PTPRG: variants seen among roughly 807,000 people sequenced by gnomAD.
PTPRG encodes protein tyrosine phosphatase receptor type G.
Under a neutral mutation model 165.3 loss-of-function variants are expected in PTPRG, and 102 were observed. That is an observed-to-expected ratio of 0.62 (90% CI 0.53 to 0.73). PTPRG has a LOEUF of 0.73. PTPRG is among the 30% of genes least tolerant of loss of function. The pLI, the probability that PTPRG is intolerant of heterozygous loss-of-function variation, is 0.00. For synonymous variants in PTPRG, 675 were observed against 669.5 expected (o/e 1.01, Z -0.13); for missense variants, 1,866 against 1,861.4 (o/e 1.00, Z -0.05).
Position 61,865,567 on chromosome 3 carries a change from C to T in PTPRG, c.190+116585C>T, listed in dbSNP as rs1042662261. ...GAGTAGGTCGAATTAAGGGTACTAC[C>T]TTCATATGGATGGCCCGATACCTGG... is the stretch of plus-strand genomic sequence containing the variant. On this transcript the variant is annotated intron_variant, in intron 2 of 29. Coordinates refer to ENST00000474889, the MANE Select transcript of PTPRG (RefSeq NM_002841.4). 5.3e-5 allele frequency among the ~76,000 whole-genome samples: 8 copies of T among 152,154 alleles called. No homozygotes were observed. In the East Asian group the frequency reaches 1.3e-3, roughly 26 times the overall value.
intron 17 of PTPRG, among the ~76,000 whole-genome samples, chr3:62,265,685 C>T (rs1306161500): frequency 6.6e-6 from 1 of 152,070 alleles, no homozygotes; most frequent in Admixed American, 6.6e-5. Context: ...AAACCTCTCC[C>T]TAGTCTTTGG....
intron 1 of PTPRG, among the ~76,000 whole-genome samples, chr3:61,650,233 A>G (rs1382411147): frequency 6.6e-6 from 1 of 152,220 alleles, no homozygotes; most frequent in African/African-American, 2.4e-5. Context: ...TTACAAAACC[A>G]AATCAAGGAA....
rs778530372 is a variant in PTPRG, at chr3:62,078,188, A to G, written c.545A>G (p.Asp182Gly). The change falls in exon 5 of 30, where the codon GAT becomes GGT. Residue 182 changes from aspartate (D) to glycine (G), a missense_variant. Transcript: ENST00000474889. ...ATGCAGATTTTCTTTTACAATCCAG[A>G]TGACTTTGACAGCTTTCAAACCGCA... is the stretch of plus-strand genomic sequence containing the variant. ...VEMQIFFYNP[D>G]DFDSFQTAIS... is the part of the protein sequence containing the mutation. 2 of 1,606,886 alleles carry G rather than the reference A, an allele frequency of 1.2e-6. No individual in the cohort carries two copies. The highest frequency in any genetic ancestry group is 1.7e-5 in the Admixed American group (1 of 58,918).
At chr3:62,172,744 T>A (rs1508402) in intron 8 of PTPRG, among the ~76,000 whole-genome samples, 4 of 152,088 alleles carry the variant, frequency 2.6e-5, no homozygotes, top group Non-Finnish European at 5.9e-5. Context: ...AAAAAAAGTT[T>A]TAAAAAGAGA....
At chr3:62,257,670 C>G (rs1007032942) in intron 16 of PTPRG, among the ~76,000 whole-genome samples, 1 of 152,114 alleles carries the variant, frequency 6.6e-6, no homozygotes, top group Non-Finnish European at 1.5e-5. Flanking sequence ...AAGTAGTGTC[C>G]TGGGCCAGGC....
chr3:61,682,863 T>G (rs1400836598), intron 1 of PTPRG, among the ~76,000 whole-genome samples: 1 of 152,222 alleles, frequency 6.6e-6, no homozygotes, highest in Non-Finnish European at 1.5e-5. Flanking sequence ...GAAGATTCTG[T>G]TTTGTGCAAA....
chr3:61,674,503 A>C (rs1030270590), intron 1 of PTPRG, among the ~76,000 whole-genome samples: 1 of 151,524 alleles, frequency 6.6e-6, no homozygotes, highest in Non-Finnish European at 1.5e-5. Flanking sequence ...AAAAAAAAAA[A>C]AAAAAAAGCC....
chr3:61,791,424 C>A (rs763424754), intron 2 of PTPRG, among the ~76,000 whole-genome samples: 6 of 152,212 alleles, frequency 3.9e-5, no homozygotes, highest in Non-Finnish European at 7.3e-5. Flanking sequence ...CTTAGATAAC[C>A]TGTTTGAGGC....
At position 62,203,990 on chromosome 3, in the gene PTPRG, T is replaced by G; in HGVS notation, c.2155+40T>G. On this transcript the variant is annotated intron_variant, in intron 12 of 29. Coordinates refer to ENST00000474889, the MANE Select transcript of PTPRG (RefSeq NM_002841.4). This position sits in a 1 kb window ranked among gnomAD's most constrained non-coding sequence, Gnocchi z 6.4. ...TCTTCTTCGAGGGTTCCTGCTCCTG[T>G]GAATAGTCGTACCCTTTTTCAAAAA... is the stretch of plus-strand genomic sequence containing the variant. The G allele has an allele frequency of 6.6e-7, 1 of 1,514,622 alleles. No individual in the cohort carries two copies. Among genetic ancestry groups the G allele is most frequent in the Non-Finnish European group, 8.8e-7 (1 of 1,131,000 alleles). 93.8% of individuals were successfully genotyped at this position (1,514,622 alleles called of 1,614,324 possible).
chr3:62,108,098 A>G (rs1437002498), intron 5 of PTPRG, among the ~76,000 whole-genome samples: 2 of 151,432 alleles, frequency 1.3e-5, no homozygotes, highest in Middle Eastern at 3.4e-3. Flanking sequence ...CAGAATGTGC[A>G]GGTTTGTTAC....
chr3:61,750,604 T>G (rs1422994702), intron 2 of PTPRG: 5 of 152,216 alleles, frequency 3.3e-5, no homozygotes, highest in Non-Finnish European at 5.9e-5. Flanking sequence ...TGGCACACTT[T>G]TTCTGAAAAG....
chr3:62,194,253 CA>C (rs1338594141), intron 9 of PTPRG, among the ~76,000 whole-genome samples: 2 of 152,178 alleles, frequency 1.3e-5, no homozygotes, highest in Non-Finnish European at 2.9e-5. Flanking sequence ...CTATGTTAGC[CA>C]AGTGGCATTC....
intron 1 of PTPRG, among the ~76,000 whole-genome samples, chr3:61,694,957 G>A (rs575879909): frequency 1.3e-5 from 2 of 152,220 alleles, no homozygotes; most frequent in South Asian, 4.1e-4. Context: ...GTAGCTTCTG[G>A]GGAGGAGACC....
chr3:62,032,944 A>G lies in PTPRG; in HGVS notation c.519+29447A>G, dbSNP rs534410352. 8.5e-5 allele frequency among the ~76,000 whole-genome samples: 13 copies of G among 152,298 alleles called. No individual in the cohort carries two copies. The East Asian group carries it at 2.1e-3, about 25-fold the overall frequency. ...TTATCTATAAATGCGCACCTGCAAG[A>G]TAACATTGAAATGGTTGAATGACCG... On this transcript the variant is annotated intron_variant, in intron 4 of 29. Coordinates refer to ENST00000474889, the MANE Select transcript of PTPRG (RefSeq NM_002841.4).
intron 5 of PTPRG, among the ~76,000 whole-genome samples, chr3:62,088,302 C>T (rs1701817018): frequency 6.6e-6 from 1 of 152,188 alleles, no homozygotes; most frequent in African/African-American, 2.4e-5. Flanking sequence ...TCAAGAAACT[C>T]AGCTTTATGG....
At chr3:62,154,430 G>A (rs1328279373) in intron 6 of PTPRG, among the ~76,000 whole-genome samples, 1 of 152,196 alleles carries the variant, frequency 6.6e-6, no homozygotes, top group East Asian at 1.9e-4. Context: ...GTCAAGAACA[G>A]AGATGCCCTT....
chr3:61,787,182 G>T (rs942313517), intron 2 of PTPRG, among the ~76,000 whole-genome samples: 6 of 152,032 alleles, frequency 3.9e-5, no homozygotes, highest in African/African-American at 1.2e-4. Flanking sequence ...TCTTCTCTCC[G>T]TCCTAACCCC....
chr3:62,101,398 C>T (rs1490003145), intron 5 of PTPRG, among the ~76,000 whole-genome samples: 5 of 152,212 alleles, frequency 3.3e-5, no homozygotes, highest in African/African-American at 1.2e-4. Context: ...TGTGTGCATA[C>T]GGAATCTATA....
rs1392400442 is a variant in PTPRG at position 62,203,976 on chromosome 3, G to A, written c.2155+26G>A. ...GTAAGTGGTGCAGGTCTTCTTCGAG[G>A]GTTCCTGCTCCTGTGAATAGTCGTA... On this transcript the variant is annotated intron_variant, in intron 12 of 29. Transcript: ENST00000474889. The surrounding 1 kb of genome is among the most constrained non-coding windows in gnomAD (Gnocchi z 6.4). 1 of 1,526,550 alleles carries A rather than the reference G, an allele frequency of 6.6e-7. No individual in the cohort carries two copies. The highest frequency in any genetic ancestry group is 2.3e-5 in the East Asian group (1 of 43,918). The allele number at this position is 1,526,550 out of a possible 1,614,324, so 94.6% of individuals were successfully genotyped here. A position where few individuals can be genotyped will look rare whatever the true frequency, so the allele number is the denominator to read the frequency against.
Sources: allele counts gnomAD v4.1 joint callset (sites outside exome capture counted in the v4.1 genomes callset), GRCh38; gene constraint gnomAD v4.1.1; non-coding constraint Gnocchi (gnomAD v3.1); transcripts MANE v1.5; gene names NCBI Gene and HGNC (gene_info 2026-07-23, HGNC 2026-07-21).